The following FTO variants were observed in gnomAD, a reference collection of about 807,000 sequenced individuals.
FTO encodes alpha-ketoglutarate-dependent dioxygenase FTO.
Under a neutral mutation model 63.9 loss-of-function variants are expected in FTO, and 47 were observed. The ratio of observed to expected loss-of-function variants is 0.74; its 90% CI spans 0.58 to 0.94. The LOEUF (loss-of-function observed/expected upper bound fraction) is 0.94. FTO is among the 40% of genes least tolerant of loss of function. FTO has a pLI of 0.00. For synonymous variants in FTO, 207 were observed against 224.4 expected (o/e 0.92, Z 0.69); for missense variants, 562 against 618.1 (o/e 0.91, Z 0.96).
At chr16:53,904,252 T>C (rs999263497) in intron 7 of FTO, among the ~76,000 whole-genome samples, 2 of 152,146 alleles carry the variant, frequency 1.3e-5, no homozygotes, top group Non-Finnish European at 2.9e-5. Context: ...CCTGTTTTAC[T>C]GAGAAAGAAA....
chr16:53,734,569 A>G (rs2076346450), intron 1 of FTO, among the ~76,000 whole-genome samples: 1 of 152,240 alleles, frequency 6.6e-6, no homozygotes, highest in Non-Finnish European at 1.5e-5. Flanking sequence ...GTTGGCTGCA[A>G]GTAACAGAAT....
intron 1 of FTO, among the ~76,000 whole-genome samples, chr16:53,736,366 A>T (rs1255821822): frequency 1.3e-5 from 2 of 151,962 alleles, no homozygotes; most frequent in Non-Finnish European, 2.9e-5. Flanking sequence ...AAAAAAAAAA[A>T]AAAAGCTCCA....
intron 8 of FTO, chr16:54,071,628 G>C (rs1302961180): frequency 6.6e-6 from 1 of 152,182 alleles, no homozygotes; most frequent in Non-Finnish European, 1.5e-5. Context: ...GGTTTAGCCA[G>C]TAAGGCTAAA....
At chr16:53,983,347 G>A (rs1333244485) in intron 8 of FTO, among the ~76,000 whole-genome samples, 4 of 151,998 alleles carry the variant, frequency 2.6e-5, no homozygotes, top group Non-Finnish European at 5.9e-5. Flanking sequence ...GACCCCTAGG[G>A]TATTGGATAA....
At chr16:53,808,286 A>AAG in intron 1 of FTO, among the ~76,000 whole-genome samples, 1 of 151,848 alleles carries the variant, frequency 6.6e-6, no homozygotes, top group Non-Finnish European at 1.5e-5. Flanking sequence ...GTGAGCTGTG[A>AAG]TTGGGCCACT....
chr16:53,953,010 A>G (rs1235223018), intron 8 of FTO, among the ~76,000 whole-genome samples: 2 of 152,156 alleles, frequency 1.3e-5, no homozygotes, highest in Non-Finnish European at 2.9e-5. Flanking sequence ...TAATTGGGAA[A>G]CTTAGAAAAC....
intron 1 of FTO, among the ~76,000 whole-genome samples, chr16:53,708,621 C>T (rs969837145): frequency 1.3e-5 from 2 of 152,162 alleles, no homozygotes; most frequent in African/African-American, 4.8e-5. Flanking sequence ...GTGGCTACAC[C>T]ATTTTACATT....
At chr16:54,001,618 T>C (rs2084068869) in intron 8 of FTO, among the ~76,000 whole-genome samples, 1 of 152,220 alleles carries the variant, frequency 6.6e-6, no homozygotes, top group Non-Finnish European at 1.5e-5. Flanking sequence ...TGATTTTTCC[T>C]AACTGTTGCT....
At position 54,120,062 on chromosome 16, in the gene FTO, T is replaced by G. The variant is rs1191250061; in HGVS notation, c.*8147T>G. On this transcript the variant is annotated 3_prime_UTR_variant, in exon 9 of 9. Coordinates refer to ENST00000471389, the MANE Select transcript of FTO (RefSeq NM_001080432.3). ...GCGTGCAGAATGGGAGAGGCATCCC[T>G]GCCAAGGACTTCAAGTGAAAGGCGG... 1 of 152,264 alleles carries G rather than the reference T, an allele frequency of 6.6e-6. No individual in the cohort carries two copies. The highest frequency in any genetic ancestry group is 2.4e-5 in the African/African-American group (1 of 41,474). The allele number at this position is 152,264 out of a possible 1,614,324, so 9.4% of individuals were successfully genotyped here. A position where few individuals can be genotyped will look rare whatever the true frequency, so the allele number is the denominator to read the frequency against.
chr16:53,745,457 A>T lies in FTO; in HGVS notation c.45+41228A>T, dbSNP rs1163782688. Among the ~76,000 whole-genome samples, 4 of 152,234 alleles carry T rather than the reference A, an allele frequency of 2.6e-5. No individual in the cohort carries two copies. In the East Asian group the frequency reaches 7.7e-4, roughly 29 times the overall value. The stretch of plus-strand genomic sequence containing the variant: ...GAAAGAGACTCTAACAGAAGAGGAA[A>T]TAAAAATGACAGAATTCAGCTCCAC... On this transcript the variant is annotated intron_variant, in intron 1 of 8. Transcript: ENST00000471389.
At chr16:53,754,831 T>G in intron 1 of FTO, among the ~76,000 whole-genome samples, 1 of 152,248 alleles carries the variant, frequency 6.6e-6, no homozygotes, top group Non-Finnish European at 1.5e-5. Flanking sequence ...AAATCTTTTT[T>G]TAGATTATTT....
intron 8 of FTO, among the ~76,000 whole-genome samples, chr16:54,074,921 T>A (rs201116032): frequency 0.03 from 3,044 of 101,798 alleles, 36 homozygotes; most frequent in East Asian, 0.071. Flanking sequence ...AGAGAGAGTG[T>A]GTGTGTGTGT....
At chr16:53,748,544 T>G (rs568050559) in intron 1 of FTO, among the ~76,000 whole-genome samples, 1 of 152,244 alleles carries the variant, frequency 6.6e-6, no homozygotes, top group East Asian at 1.9e-4. Context: ...AGCTTCCACC[T>G]CCTAGGTTCA....
chr16:54,011,573 A>C (rs1449587763), intron 8 of FTO, among the ~76,000 whole-genome samples: 1 of 152,230 alleles, frequency 6.6e-6, no homozygotes, highest in African/African-American at 2.4e-5. Flanking sequence ...TTACAAACTG[A>C]AAGTTTGTAG....
chr16:54,015,027 AT>A (rs11388596), intron 8 of FTO, among the ~76,000 whole-genome samples: 3 of 149,806 alleles, frequency 2.0e-5, no homozygotes, highest in Non-Finnish European at 3.0e-5. Flanking sequence ...GGCTAATTAA[AT>A]TTTTTTTTTC....
At chr16:53,883,628 AAAAAAAAC>A (rs1020175140) in intron 6 of FTO, among the ~76,000 whole-genome samples, 6 of 146,628 alleles carry the variant, frequency 4.1e-5, no homozygotes, top group African/African-American at 1.6e-4. Context: ...ATCTCAAAAA[AAAAAAAAC>A]AAAAAAAAAA....
chr16:54,041,743 G>A (rs1407206258), intron 8 of FTO, among the ~76,000 whole-genome samples: 2 of 152,098 alleles, frequency 1.3e-5, no homozygotes, highest in African/African-American at 4.8e-5. Flanking sequence ...AATATCCAGG[G>A]CAAGAAGCTA....
chr16:53,782,277 G>A lies in FTO; in HGVS notation c.46-27863G>A, dbSNP rs193231717. 2.2e-4 allele frequency among the ~76,000 whole-genome samples: 33 copies of A among 152,234 alleles called. No individual in the cohort carries two copies. In the East Asian group the frequency reaches 6.0e-3, roughly 28 times the overall value. On this transcript the variant is annotated intron_variant, in intron 1 of 8. Transcript: ENST00000471389. ...CGGTTTCCATAATCACTTTAAACTC[G>A]GTATTTGATTTCCTTTTCCCTGGGA...
chr16:54,106,885 A>C (rs2086768130), intron 8 of FTO, among the ~76,000 whole-genome samples: 1 of 139,712 alleles, frequency 7.2e-6, no homozygotes, highest in Admixed American at 7.4e-5. Flanking sequence ...TAAATATATT[A>C]TTGTATATAA....
Sources: gnomAD v4.1 joint callset for allele counts (sites outside exome capture counted in the v4.1 genomes callset) on GRCh38, gnomAD v4.1.1 for gene constraint, MANE v1.5 for transcripts, NCBI Gene and HGNC (gene_info 2026-07-23, HGNC 2026-07-21) for gene names.